PDIK1L: variants seen among roughly 807,000 people sequenced by gnomAD.
PDIK1L encodes serine/threonine-protein kinase PDIK1L.
A neutral mutation model predicts 27.1 loss-of-function variants in PDIK1L; 9 were observed. The ratio of observed to expected loss-of-function variants is 0.33; its 90% CI spans 0.20 to 0.58. The LOEUF is 0.58. Ranked by LOEUF, PDIK1L falls within the 20% of genes least tolerant of loss-of-function variation. The pLI, the probability that PDIK1L is intolerant of heterozygous loss-of-function variation, is 0.86. For missense variants in PDIK1L, 216 were observed against 413.2 expected, an observed-to-expected ratio of 0.52 and a Z score of 4.14; for synonymous variants, 130 against 141.7, an observed-to-expected ratio of 0.92 and a Z score of 0.59.
At chr1:26,115,767 A>C (rs888570915) in intron 2 of PDIK1L, among the ~76,000 whole-genome samples, 1 of 151,592 alleles carries the variant, frequency 6.6e-6, no homozygotes, top group Non-Finnish European at 1.5e-5. Context: ...GCGCCACTGC[A>C]CTCCAGCCTG....
At chr1:26,121,748 A>G in intron 2 of PDIK1L, 89 bp from the exon 3 acceptor site, 1 of 1,322,316 alleles carries the variant, frequency 7.6e-7, no homozygotes, top group Admixed American at 2.4e-5. Context: ...AAAGGTGGAG[A>G]CTGACTTAAC....
chr1:26,122,673 C>G lies in PDIK1L; in HGVS notation c.*96C>G. The G allele has an allele frequency of 7.0e-7, 1 of 1,427,370 alleles. No homozygotes were observed. Among genetic ancestry groups the G allele is most frequent in the Non-Finnish European group, 9.3e-7 (1 of 1,069,672 alleles). 88.4% of individuals were successfully genotyped at this position (1,427,370 alleles called of 1,614,324 possible). ...GAAAAAGAATATAAAAAGCTAGACTCTACCCTCTAAGGGTTTAGATTTTTT... is the reference window on the plus strand; with the variant it reads ...GAAAAAGAATATAAAAAGCTAGACTGTACCCTCTAAGGGTTTAGATTTTTT... On this transcript the variant is annotated 3_prime_UTR_variant, in exon 3 of 3. Coordinates refer to ENST00000374269, the MANE Select transcript of PDIK1L (RefSeq NM_152835.5). This position sits in a 1 kb window ranked among gnomAD's most constrained non-coding sequence, Gnocchi z 5.4.
chr1:26,118,124 T>G (rs1012203886), intron 2 of PDIK1L, among the ~76,000 whole-genome samples: 2 of 151,096 alleles, frequency 1.3e-5, no homozygotes, highest in African/African-American at 4.9e-5. Context: ...CTAAGAGGCA[T>G]GATCTATTTT....
intron 1 of PDIK1L, among the ~76,000 whole-genome samples, chr1:26,113,609 A>T (rs1035643625): frequency 1.3e-5 from 2 of 152,064 alleles, no homozygotes; most frequent in Non-Finnish European, 2.9e-5. Context: ...ATGAATAGAT[A>T]GAGTTTGGCC....
upstream of PDIK1L, chr1:26,111,225 C>G (rs1383713709): frequency 6.4e-6 from 1 of 155,246 alleles, no homozygotes; most frequent in Non-Finnish European, 1.4e-5. This position sits in a 1 kb window ranked among gnomAD's most constrained non-coding sequence, Gnocchi z 4.0. Flanking sequence ...CTGCACCGCC[C>G]GCAAACATGG....
upstream of PDIK1L, chr1:26,111,185 G>GCGC (rs1004399727): frequency 2.7e-4 from 42 of 157,346 alleles, no homozygotes; most frequent in East Asian, 7.5e-4. This position sits in a 1 kb window ranked among gnomAD's most constrained non-coding sequence, Gnocchi z 4.0. Flanking sequence ...ACCCAGCCCC[G>GCGC]CGCCGCCGCC....
upstream of PDIK1L, among the ~76,000 whole-genome samples, chr1:26,111,686 G>A (rs543832168): frequency 3.8e-4 from 57 of 151,792 alleles, no homozygotes; most frequent in African/African-American, 1.3e-3. The surrounding 1 kb of genome is among the most constrained non-coding windows in gnomAD (Gnocchi z 4.0). Flanking sequence ...AGAGGGAGGA[G>A]GCGAGCGGAG....
At chr1:26,118,674 A>G (rs1057470949) in intron 2 of PDIK1L, among the ~76,000 whole-genome samples, 11 of 152,236 alleles carry the variant, frequency 7.2e-5, no homozygotes, top group African/African-American at 2.7e-4. Context: ...TGGTACATAT[A>G]AGTACTCAGT....
chr1:26,119,290 C>G (rs756445926), intron 2 of PDIK1L, among the ~76,000 whole-genome samples: 6 of 152,118 alleles, frequency 3.9e-5, no homozygotes, highest in Non-Finnish European at 8.8e-5. Context: ...TGCCTGTAGT[C>G]TCAGCTACTT....
Position 26,125,326 on chromosome 1 carries a change from T to C in PDIK1L, c.*2749T>C, listed in dbSNP as rs1011643737. 1 of 152,626 alleles carries C rather than the reference T, an allele frequency of 6.6e-6. No individual in the cohort carries two copies. Among genetic ancestry groups the C allele is most frequent in the African/African-American group, 2.4e-5 (1 of 41,448 alleles). The allele number at this position is 152,626 out of a possible 1,614,324, so 9.5% of individuals were successfully genotyped here. ...TGTTGTTTTTAATTGTAAATTGTTA[T>C]CAATCAAACTATTGTAGCAGCTACA... On this transcript the variant is annotated 3_prime_UTR_variant, in exon 3 of 3. Coordinates refer to ENST00000374269, the MANE Select transcript of PDIK1L (RefSeq NM_152835.5).
chr1:26,124,728 C>T lies in PDIK1L; in HGVS notation c.*2151C>T, dbSNP rs1175242592. 6.6e-6 allele frequency: 1 copy of T among 152,066 alleles called. No homozygotes were observed. The highest frequency in any genetic ancestry group is 1.5e-5 in the Non-Finnish European group (1 of 67,994). 9.4% of individuals were successfully genotyped at this position (152,066 alleles called of 1,614,324 possible). ...GTTTCTTCTGGAATTTTATCAAGTC[C>T]TTGTATTCTAAAATAGCCAAGCAAA... On this transcript the variant is annotated 3_prime_UTR_variant, in exon 3 of 3. Coordinates refer to ENST00000374269, the MANE Select transcript of PDIK1L (RefSeq NM_152835.5).
Position 26,122,837 on chromosome 1 carries a change from G to T in PDIK1L, c.*260G>T. On this transcript the variant is annotated 3_prime_UTR_variant, in exon 3 of 3. Coordinates refer to ENST00000374269, the MANE Select transcript of PDIK1L (RefSeq NM_152835.5). The surrounding 1 kb of genome is among the most constrained non-coding windows in gnomAD (Gnocchi z 5.4). ...GAAGTTTGGCAGGAAAATTCTTTAA[G>T]AGCTAACAAGAGAAGAGAGTCCAGT... is the stretch of plus-strand genomic sequence containing the variant. The T allele has an allele frequency of 3.4e-6, 1 of 291,202 alleles. No homozygotes were observed. Among genetic ancestry groups the T allele is most frequent in the Non-Finnish European group, 6.3e-6 (1 of 157,836 alleles). 18.0% of individuals were successfully genotyped at this position (291,202 alleles called of 1,614,324 possible).
upstream of PDIK1L, chr1:26,111,447 G>A (rs1424003781): frequency 6.6e-6 from 1 of 151,896 alleles, no homozygotes; most frequent in African/African-American, 2.4e-5. The surrounding 1 kb of genome is among the most constrained non-coding windows in gnomAD (Gnocchi z 4.0). Context: ...CGGGTAGAGG[G>A]AGGGGAGGCC....
chr1:26,113,642 C>T (rs1326660787), intron 1 of PDIK1L, among the ~76,000 whole-genome samples: 1 of 150,672 alleles, frequency 6.6e-6, no homozygotes, highest in Admixed American at 6.6e-5. Context: ...ATAATGAAAA[C>T]AAACATTTTC....
chr1:26,124,521 A>G lies in PDIK1L; in HGVS notation c.*1944A>G, dbSNP rs1031563621. On this transcript the variant is annotated 3_prime_UTR_variant, in exon 3 of 3. Transcript: ENST00000374269. Reference sequence around the variant, plus strand: ...GCACTTCAGCAGAGATTCATAGATGATGGTATGCCCATGCATCATTTGCTC... The same window carrying G: ...GCACTTCAGCAGAGATTCATAGATGGTGGTATGCCCATGCATCATTTGCTC... The G allele has an allele frequency of 1.3e-5, 2 of 152,166 alleles. No individual in the cohort carries two copies. Among genetic ancestry groups the G allele is most frequent in the Non-Finnish European group, 2.9e-5 (2 of 68,008 alleles). 9.4% of individuals were successfully genotyped at this position (152,166 alleles called of 1,614,324 possible).
rs565331987 is a variant in PDIK1L at position 26,125,347 on chromosome 1, C to T, written c.*2770C>T. The stretch of plus-strand genomic sequence containing the variant: ...GTTATCAATCAAACTATTGTAGCAG[C>T]TACAAAGTAATTCACCAGCATGACA... On this transcript the variant is annotated 3_prime_UTR_variant, in exon 3 of 3. Coordinates refer to ENST00000374269, the MANE Select transcript of PDIK1L (RefSeq NM_152835.5). 6.6e-6 allele frequency: 1 copy of T among 152,484 alleles called. No homozygotes were observed. The highest frequency in any genetic ancestry group is 1.5e-5 in the Non-Finnish European group (1 of 67,986). 9.4% of individuals were successfully genotyped at this position (152,484 alleles called of 1,614,324 possible). A position where few individuals can be genotyped will look rare whatever the true frequency, so the allele number is the denominator to read the frequency against.
intron 2 of PDIK1L, among the ~76,000 whole-genome samples, chr1:26,119,283 C>T (rs1314907583): frequency 6.6e-6 from 1 of 152,068 alleles, no homozygotes; most frequent in African/African-American, 2.4e-5. Flanking sequence ...TGGTGCATGC[C>T]TGTAGTCTCA....
In PDIK1L at chr1:26,122,659, T is replaced by G; in HGVS notation, c.*82T>G. ...AACATTATGTGGCTGAAAAAGAATA[T>G]AAAAAGCTAGACTCTACCCTCTAAG... is the stretch of plus-strand genomic sequence containing the variant. On this transcript the variant is annotated 3_prime_UTR_variant, in exon 3 of 3. Transcript: ENST00000374269. This position sits in a 1 kb window ranked among gnomAD's most constrained non-coding sequence, Gnocchi z 5.4. 6.8e-7 allele frequency: 1 copy of G among 1,474,368 alleles called. No individual in the cohort carries two copies. Among genetic ancestry groups the G allele is most frequent in the Non-Finnish European group, 9.1e-7 (1 of 1,104,902 alleles). 91.3% of individuals were successfully genotyped at this position (1,474,368 alleles called of 1,614,324 possible). A position where few individuals can be genotyped will look rare whatever the true frequency, so the allele number is the denominator to read the frequency against.
chr1:26,116,347 A>C (rs2087876516), intron 2 of PDIK1L, among the ~76,000 whole-genome samples: 1 of 150,968 alleles, frequency 6.6e-6, no homozygotes, highest in South Asian at 2.1e-4. Flanking sequence ...CCATCTGTAC[A>C]AAAAAAAAGT....
Sources: allele counts gnomAD v4.1 joint callset (sites outside exome capture counted in the v4.1 genomes callset), GRCh38; gene constraint gnomAD v4.1.1; non-coding constraint Gnocchi (gnomAD v3.1); transcripts MANE v1.5; gene names NCBI Gene and HGNC (gene_info 2026-07-23, HGNC 2026-07-21).